SNX4: variants seen among roughly 807,000 people sequenced by gnomAD.
SNX4 encodes the protein sorting nexin 4.
Under a neutral mutation model 70.8 loss-of-function variants are expected in SNX4, and 49 were observed. The ratio of observed to expected loss-of-function variants is 0.69; its 90% CI spans 0.55 to 0.88. SNX4 has a LOEUF of 0.88. Ranked by LOEUF, SNX4 falls within the 40% of genes least tolerant of loss-of-function variation. SNX4 has a pLI of 0.00. For missense variants in SNX4, 528 were observed against 544.8 expected (o/e 0.97, Z 0.31); for synonymous variants, 206 against 183.8 (o/e 1.12, Z -0.98).
In SNX4 at chr3:125,480,328, G is replaced by T; in HGVS notation, c.654-9C>A. On this transcript the variant is annotated splice_polypyrimidine_tract_variant and intron_variant, in intron 6 of 13. Transcript: ENST00000251775. ...TAAGGTCAGTAAATCTCCTGAAACAGGAAACAAATAAAACATCGTTTTTCA... is the reference window on the plus strand; with the variant it reads ...TAAGGTCAGTAAATCTCCTGAAACATGAAACAAATAAAACATCGTTTTTCA... 6.7e-7 allele frequency: 1 copy of T among 1,482,516 alleles called. No homozygotes were observed. Among genetic ancestry groups the T allele is most frequent in the South Asian group, 1.4e-5 (1 of 70,962 alleles). The allele number at this position is 1,482,516 out of a possible 1,614,324, so 91.8% of individuals were successfully genotyped here.
At chr3:125,472,419 T>TTC (rs1579985339) in intron 8 of SNX4, among the ~76,000 whole-genome samples, 1 of 152,226 alleles carries the variant, frequency 6.6e-6, no homozygotes, top group African/African-American at 2.4e-5. Context: ...TCATCAGTGC[T>TTC]TCTCAAGCTG....
At chr3:125,477,358 A>G (rs1411561837) in intron 7 of SNX4, among the ~76,000 whole-genome samples, 1 of 152,228 alleles carries the variant, frequency 6.6e-6, no homozygotes, top group East Asian at 1.9e-4. Flanking sequence ...CATTATTTTA[A>G]TAACAACAGA....
Position 125,447,723 on chromosome 3 carries a change from T to C in SNX4, c.*56A>G. The C allele has an allele frequency of 2.4e-6, 3 of 1,265,326 alleles. No individual in the cohort carries two copies. Among genetic ancestry groups the C allele is most frequent in the Non-Finnish European group, 3.4e-6 (3 of 889,660 alleles). 78.4% of individuals were successfully genotyped at this position (1,265,326 alleles called of 1,614,324 possible). ...AGGTAGTGACTTAAATTTCTTTTAT[T>C]TACTTGTGCTTCTGTTTTGGGGCAC... is the stretch of plus-strand genomic sequence containing the variant. On this transcript the variant is annotated 3_prime_UTR_variant, in exon 14 of 14. Coordinates refer to ENST00000251775, the MANE Select transcript of SNX4 (RefSeq NM_003794.4).
chr3:125,464,481 T>A (rs2107532873), intron 9 of SNX4, among the ~76,000 whole-genome samples: 1 of 152,100 alleles, frequency 6.6e-6, no homozygotes, highest in South Asian at 2.1e-4. Context: ...ATCCAGTTAT[T>A]CCAACACCAT....
chr3:125,517,529 G>A (rs895772072), intron 1 of SNX4, among the ~76,000 whole-genome samples: 5 of 152,138 alleles, frequency 3.3e-5, no homozygotes, highest in Admixed American at 6.6e-5. Flanking sequence ...TTCAAAGGAC[G>A]GGTTTTTAGT....
At chr3:125,454,210 G>T (rs552670603) in intron 11 of SNX4, among the ~76,000 whole-genome samples, 3 of 152,300 alleles carry the variant, frequency 2.0e-5, no homozygotes, top group Admixed American at 1.3e-4. Context: ...AAAGCAGGGG[G>T]TCCCCAACCC....
At chr3:125,519,946 C>A (rs1343656147) in intron 1 of SNX4, 86 bp downstream of exon 1, 8 of 1,086,592 alleles carry the variant, frequency 7.4e-6, no homozygotes, top group Non-Finnish European at 9.8e-6. Flanking sequence ...CTGGCCCGGC[C>A]CGGCCCAGCC....
chr3:125,519,736 C>G (rs1258256651), intron 1 of SNX4, among the ~76,000 whole-genome samples: 1 of 152,178 alleles, frequency 6.6e-6, no homozygotes, highest in East Asian at 1.9e-4. Flanking sequence ...GGCCCAGACC[C>G]CCACGCCTGC....
intron 1 of SNX4, among the ~76,000 whole-genome samples, chr3:125,517,800 A>T (rs1266617308): frequency 1.3e-5 from 2 of 151,830 alleles, no homozygotes; most frequent in Non-Finnish European, 2.9e-5. Context: ...ACATGATGAA[A>T]CCCCAACTCT....
intron 9 of SNX4, among the ~76,000 whole-genome samples, chr3:125,463,181 G>A (rs1246658153): frequency 6.6e-6 from 1 of 152,174 alleles, no homozygotes; most frequent in Non-Finnish European, 1.5e-5. Flanking sequence ...TGTGCTTACA[G>A]GATTTATGTA....
chr3:125,482,613 C>A (rs1934438005), intron 6 of SNX4, among the ~76,000 whole-genome samples: 1 of 151,928 alleles, frequency 6.6e-6, no homozygotes, highest in Admixed American at 6.6e-5. Flanking sequence ...AAATCTATAC[C>A]ACCCCCTTGC....
intron 9 of SNX4, among the ~76,000 whole-genome samples, chr3:125,465,659 T>C (rs1933993074): frequency 6.6e-6 from 1 of 151,968 alleles, no homozygotes; most frequent in Non-Finnish European, 1.5e-5. Flanking sequence ...TTTTATTTTT[T>C]TGAGACAAAG....
intron 6 of SNX4, among the ~76,000 whole-genome samples, chr3:125,488,831 T>C (rs888698738): frequency 4.5e-4 from 69 of 152,204 alleles, no homozygotes; most frequent in Non-Finnish European, 2.9e-5. Context: ...AAGGTCCATA[T>C]AATGTAGAGT....
Position 125,451,327 on chromosome 3 carries a change from A to G in SNX4, c.1283T>C (p.Met428Thr), listed in dbSNP as rs1314956543. ...LKEALISYAV[M>T]QISMCKKGIQ... is the part of the protein sequence containing the mutation. Reference sequence around the variant, plus strand: ...TACCTTTTTGCACATACTGATCTGCATGACTGCATAGCTTATGAGGGCCTC... The same window carrying G: ...TACCTTTTTGCACATACTGATCTGCGTGACTGCATAGCTTATGAGGGCCTC... Residue 428 changes from methionine to threonine, a missense_variant, in exon 13 of 14, where the codon ATG becomes ACG. Around this residue, in one of 3 missense-constraint regions of SNX4, gnomAD observed 159 missense variants for 172.6 expected, o/e 0.92. Coordinates refer to ENST00000251775, the MANE Select transcript of SNX4 (RefSeq NM_003794.4). 1 of 1,613,316 alleles carries G rather than the reference A, an allele frequency of 6.2e-7. No homozygotes were observed. Among genetic ancestry groups the G allele is most frequent in the Non-Finnish European group, 8.5e-7 (1 of 1,179,368 alleles).
At chr3:125,506,602 T>C (rs1328307679) in intron 1 of SNX4, among the ~76,000 whole-genome samples, 1 of 147,638 alleles carries the variant, frequency 6.8e-6, no homozygotes, top group African/African-American at 2.5e-5. Flanking sequence ...ACCTCTTGGG[T>C]TCAAGGGATT....
chr3:125,510,114 T>A (rs544232489), intron 1 of SNX4, among the ~76,000 whole-genome samples: 2 of 152,098 alleles, frequency 1.3e-5, no homozygotes, highest in East Asian at 3.9e-4. Flanking sequence ...GCCTAATATA[T>A]CCAAAAGAAT....
chr3:125,495,353 G>GCTATGCAAAA lies in SNX4; in HGVS notation c.597+1978_597+1987dup, dbSNP rs1177258799. The stretch of plus-strand genomic sequence containing the variant: ...TGTATGATGTACACATGTATATGAG[G>GCTATGCAAAA]CTATGCAAAAAGGTCCCATTTCCCT... On this transcript the variant is annotated intron_variant, in intron 5 of 13. Coordinates refer to ENST00000251775, the MANE Select transcript of SNX4 (RefSeq NM_003794.4). Among the ~76,000 whole-genome samples, 3 of 147,258 alleles carry GCTATGCAAAA rather than the reference G, an allele frequency of 2.0e-5. No homozygotes were observed. In the Admixed American group the frequency reaches 2.1e-4, roughly 10 times the overall value.
At chr3:125,499,422 C>T (rs1559822754) in intron 2 of SNX4, among the ~76,000 whole-genome samples, 1 of 152,106 alleles carries the variant, frequency 6.6e-6, no homozygotes, top group African/African-American at 2.4e-5. Context: ...ACAATAGATG[C>T]TCATTTTTAT....
intron 2 of SNX4, among the ~76,000 whole-genome samples, chr3:125,504,353 C>G (rs1403621479): frequency 6.8e-6 from 1 of 145,988 alleles, no homozygotes. Context: ...AAAAAAAAAG[C>G]CAGCCATGGT....
Sources: gnomAD v4.1 joint callset for allele counts (sites outside exome capture counted in the v4.1 genomes callset) on GRCh38, gnomAD v4.1.1 for gene constraint, gnomAD v4.1.1 regional missense constraint, MANE v1.5 for transcripts, NCBI Gene and HGNC (gene_info 2026-07-23, HGNC 2026-07-21) for gene names.